GFPT1: variants seen among roughly 807,000 people sequenced by gnomAD.
GFPT1 encodes the protein glutamine--fructose-6-phosphate transaminase 1.
GFPT1 carries 40 observed loss-of-function variants against 92.0 expected under a neutral mutation model. That is an observed-to-expected ratio of 0.43 (90% CI 0.34 to 0.57). GFPT1 has a LOEUF of 0.57. Ranked by LOEUF, GFPT1 falls within the 20% of genes least tolerant of loss-of-function variation. The probability of loss-of-function intolerance (pLI) is 0.02; values close to 1 mark genes in which losing one functional copy is unlikely to be tolerated. For missense variants in GFPT1, 448 were observed against 869.1 expected (o/e 0.52, Z 6.09); for synonymous variants, 269 against 280.6 (o/e 0.96, Z 0.41).
chr2:69,347,538 C>T (rs908728906), intron 11 of GFPT1, among the ~76,000 whole-genome samples: 7 of 149,308 alleles, frequency 4.7e-5, no homozygotes, highest in Admixed American at 1.3e-4. Flanking sequence ...AGTGCAATGG[C>T]GCAATCTCGG....
intron 2 of GFPT1, among the ~76,000 whole-genome samples, chr2:69,372,681 A>G (rs1209967964): frequency 2.6e-5 from 4 of 152,250 alleles, no homozygotes; most frequent in African/African-American, 9.6e-5. Context: ...GAAGAGAATA[A>G]GATGTGCTGT....
intron 6 of GFPT1, 22 bp downstream of exon 6, chr2:69,358,307 C>T (rs1558760854): frequency 6.3e-7 from 1 of 1,599,220 alleles, no homozygotes; most frequent in Non-Finnish European, 8.6e-7. Context: ...GCATAATTAT[C>T]TTTAAAAATG....
At chr2:69,372,199 A>AAC (rs1671767589) in intron 2 of GFPT1, among the ~76,000 whole-genome samples, 1 of 122,686 alleles carries the variant, frequency 8.2e-6, no homozygotes, top group African/African-American at 3.3e-5. Context: ...ACTCCATCTC[A>AAC]AAAAAAAAAA....
Position 69,321,340 on chromosome 2 carries a change from G to C in GFPT1, c.*4849C>G, listed in dbSNP as rs568692619. 2 of 152,230 alleles carry C rather than the reference G, an allele frequency of 1.3e-5. No homozygotes were observed. Among genetic ancestry groups the C allele is most frequent in the South Asian group, 4.1e-4 (2 of 4,822 alleles). The allele number at this position is 152,230 out of a possible 1,614,324, so 9.4% of individuals were successfully genotyped here. ...AGTTCGGGTAGAGACAGTGGCTTTT[G>C]GTAATATTTAGGCAGTGATTTCTTA... On this transcript the variant is annotated 3_prime_UTR_variant, in exon 20 of 20. Coordinates refer to ENST00000357308, the MANE Select transcript of GFPT1 (RefSeq NM_001244710.2).
At chr2:69,362,768 G>C (rs1188662160) in intron 4 of GFPT1, among the ~76,000 whole-genome samples, 1 of 152,080 alleles carries the variant, frequency 6.6e-6, no homozygotes, top group Non-Finnish European at 1.5e-5. Context: ...CTGCACTCCA[G>C]CCTGGGCGAC....
Position 69,363,532 on chromosome 2 carries a change from A to C in GFPT1, c.349+13T>G. On this transcript the variant is annotated intron_variant, in intron 4 of 19. Transcript: ENST00000357308. ...TCCACAATCATTCCAAAGCACAAAA[A>C]ATCTTTCCATACCATTATTTTTATC... 6.2e-7 allele frequency: 1 copy of C among 1,613,732 alleles called. No homozygotes were observed.
chr2:69,349,257 T>G (rs182400841), intron 10 of GFPT1, among the ~76,000 whole-genome samples: 59 of 152,334 alleles, frequency 3.9e-4, no homozygotes, highest in African/African-American at 1.4e-3. Flanking sequence ...GCATATGACT[T>G]CACCCAGTGT....
intron 10 of GFPT1, among the ~76,000 whole-genome samples, chr2:69,349,650 G>A (rs1671161146): frequency 6.6e-6 from 1 of 152,064 alleles, no homozygotes; most frequent in Non-Finnish European, 1.5e-5. Flanking sequence ...AAATGATTAT[G>A]CTGCAAATTA....
At chr2:69,345,238 A>G (rs901636344) in intron 12 of GFPT1, among the ~76,000 whole-genome samples, 3 of 152,108 alleles carry the variant, frequency 2.0e-5, no homozygotes, top group African/African-American at 7.2e-5. Context: ...CCTGGGCAAC[A>G]ATAGCAAAAC....
At chr2:69,359,441 A>G in intron 4 of GFPT1, 115 bp from the exon 5 acceptor site, 2 of 640,576 alleles carry the variant, frequency 3.1e-6, no homozygotes, top group Non-Finnish European at 5.8e-6. Flanking sequence ...GCTATATACT[A>G]TTTATGTTAT....
chr2:69,359,328 TAA>T lies in GFPT1; in HGVS notation c.350-4_350-3del, dbSNP rs779152034. ...TTCCATTGTGAATAACGATAAATTC[TAA>T]AAGAGGTAAAAGTGTTGAAGACAAA... On this transcript the variant is annotated splice_region_variant and splice_polypyrimidine_tract_variant and intron_variant, in intron 4 of 19. Coordinates refer to ENST00000357308, the MANE Select transcript of GFPT1 (RefSeq NM_001244710.2). 5.3e-6 allele frequency: 8 copies of T among 1,511,258 alleles called. No homozygotes were observed. Among genetic ancestry groups the T allele is most frequent in the Non-Finnish European group, 7.4e-6 (8 of 1,088,116 alleles). 93.6% of individuals were successfully genotyped at this position (1,511,258 alleles called of 1,614,324 possible).
intron 15 of GFPT1, among the ~76,000 whole-genome samples, chr2:69,330,947 G>T (rs1270146027): frequency 2.0e-5 from 3 of 152,126 alleles, no homozygotes; most frequent in African/African-American, 7.2e-5. Context: ...AACGCATTCA[G>T]TTCTGTATAA....
At chr2:69,338,802 CTT>C (rs58220809) in intron 13 of GFPT1, among the ~76,000 whole-genome samples, 5 of 131,764 alleles carry the variant, frequency 3.8e-5, no homozygotes, top group Admixed American at 8.0e-5. Flanking sequence ...GTATACATTC[CTT>C]TTTTTTTTTT....
intron 1 of GFPT1, among the ~76,000 whole-genome samples, chr2:69,383,046 C>T (rs1171278689): frequency 1.3e-5 from 2 of 152,204 alleles, no homozygotes; most frequent in African/African-American, 2.4e-5. Flanking sequence ...GCCATCATTT[C>T]AAATACCTGC....
In GFPT1 at chr2:69,359,402, A is replaced by G. The variant is rs1243805829; in HGVS notation, c.350-76T>C. The G allele has an allele frequency of 6.0e-6, 5 of 840,098 alleles. No homozygotes were observed. In the Admixed American group the frequency reaches 9.3e-5, roughly 16 times the overall value. The allele number at this position is 840,098 out of a possible 1,614,324, so 52.0% of individuals were successfully genotyped here. A position where few individuals can be genotyped will look rare whatever the true frequency, so the allele number is the denominator to read the frequency against. ...CTAAAATAGCTATTACTCTAACTGG[A>G]TTTTTCTCAAGTCAAAAATTTTTAA... is the stretch of plus-strand genomic sequence containing the variant. On this transcript the variant is annotated intron_variant, in intron 4 of 19. Transcript: ENST00000357308.
chr2:69,359,374 AATCTAAAATAGCTATTACT>A (rs1420656495), intron 4 of GFPT1, 48 bp from the exon 5 acceptor site: 2 of 1,065,078 alleles, frequency 1.9e-6, no homozygotes, highest in Non-Finnish European at 2.9e-6. Context: ...AAGTATGATA[AATCTAAAATAGCTATTACT>A]CTAACTGGAT....
chr2:69,347,954 T>C (rs1028509138), intron 11 of GFPT1, among the ~76,000 whole-genome samples: 1 of 152,268 alleles, frequency 6.6e-6, no homozygotes, highest in South Asian at 2.1e-4. Flanking sequence ...CTTTTTATAA[T>C]GTTACAAATA....
In GFPT1 at chr2:69,327,031, A is replaced by C; in HGVS notation, c.1938T>G (p.Ile646Met). 1.2e-6 allele frequency: 2 copies of C among 1,614,104 alleles called. No individual in the cohort carries two copies. Among genetic ancestry groups the C allele is most frequent in the African/African-American group, 2.7e-5 (2 of 75,022 alleles). ...VICDKEDTET[I>M]KNTKRTIKVP... ...CCTTGATCGTTCTTTTTGTGTTCTT[A>C]ATGGTCTCAGTATCCTCCTTATCAC... The change falls in exon 19 of 20, where the codon ATT becomes ATG. Residue 646 changes from isoleucine to methionine, a missense_variant. Ile to Met is a conservative substitution (Grantham distance 10). Coordinates refer to ENST00000357308, the MANE Select transcript of GFPT1 (RefSeq NM_001244710.2).
intron 2 of GFPT1, among the ~76,000 whole-genome samples, chr2:69,370,600 T>C (rs1671722580): frequency 6.6e-6 from 1 of 152,100 alleles, no homozygotes; most frequent in Admixed American, 6.6e-5. Context: ...AAAGCCCTTC[T>C]AGAAACAAGT....
Sources: gnomAD v4.1 joint callset for allele counts (sites outside exome capture counted in the v4.1 genomes callset) on GRCh38, gnomAD v4.1.1 for gene constraint, MANE v1.5 for transcripts, NCBI Gene and HGNC (gene_info 2026-07-23, HGNC 2026-07-21) for gene names.